TRAK2: variants seen among roughly 807,000 people sequenced by gnomAD.
TRAK2 encodes the protein trafficking kinesin-binding protein 2.
In TRAK2, 81 loss-of-function variants were observed where a neutral mutation model predicts 104.6. The ratio of observed to expected loss-of-function variants is 0.77; its 90% CI spans 0.65 to 0.93. The LOEUF (loss-of-function observed/expected upper bound fraction) is 0.93, where lower values mean the gene tolerates loss of function less well. TRAK2 is among the 40% of genes least tolerant of loss of function. The pLI is 0.00. For synonymous variants in TRAK2, 406 were observed against 394.4 expected, an observed-to-expected ratio of 1.03 and a Z score of -0.35; for missense variants, 1,002 against 1,089.0, an observed-to-expected ratio of 0.92 and a Z score of 1.12.
chr2:201,382,069 T>C (rs929166282), intron 15 of TRAK2, among the ~76,000 whole-genome samples: 3 of 152,204 alleles, frequency 2.0e-5, no homozygotes, highest in Non-Finnish European at 4.4e-5. Context: ...GGGTTATTAG[T>C]TGTCTGCCCT....
intron 10 of TRAK2, among the ~76,000 whole-genome samples, chr2:201,392,359 C>G (rs1210275385): frequency 6.6e-6 from 1 of 152,080 alleles, no homozygotes; most frequent in African/African-American, 2.4e-5. Flanking sequence ...CAGGATTGCA[C>G]AGAAGTTTAA....
intron 15 of TRAK2, among the ~76,000 whole-genome samples, chr2:201,383,685 C>T (rs1172863016): frequency 6.6e-6 from 1 of 152,216 alleles, no homozygotes; most frequent in Non-Finnish European, 1.5e-5. Context: ...TAACAACTTG[C>T]TGTGAGTTCT....
At chr2:201,413,544 GT>G (rs1951666807) in intron 2 of TRAK2, among the ~76,000 whole-genome samples, 1 of 152,056 alleles carries the variant, frequency 6.6e-6, no homozygotes, top group African/African-American at 2.4e-5. Flanking sequence ...TTACTATTGA[GT>G]TTTTACACCT....
chr2:201,420,690 C>T lies in TRAK2; in HGVS notation c.-183G>A, dbSNP rs969951645. ...CGAGCACTCTCATGTGATTATCATA[C>T]TTTGGACAGTCATGACCTAAAACAA... On this transcript the variant is annotated 5_prime_UTR_variant, in exon 2 of 16. Transcript: ENST00000332624. 7.9e-5 allele frequency: 44 copies of T among 559,452 alleles called. No homozygotes were observed. The highest frequency in any genetic ancestry group is 3.5e-5 in the Non-Finnish European group (11 of 311,350). 34.7% of individuals were successfully genotyped at this position (559,452 alleles called of 1,614,324 possible).
intron 1 of TRAK2, among the ~76,000 whole-genome samples, chr2:201,434,834 C>T (rs13401135): frequency 0.046 from 7,060 of 152,200 alleles, 282 homozygotes; most frequent in African/African-American, 0.11. Flanking sequence ...TAGTTTTATG[C>T]TTTGTCCCAT....
chr2:201,428,619 T>A (rs1951812018), intron 1 of TRAK2, among the ~76,000 whole-genome samples: 1 of 152,238 alleles, frequency 6.6e-6, no homozygotes, highest in African/African-American at 2.4e-5. Flanking sequence ...TCCAGCTTTA[T>A]TATTTTGGCT....
At position 201,398,261 on chromosome 2, in the gene TRAK2, A is replaced by G. The variant is rs1951520101; in HGVS notation, c.574T>C (p.Ser192Pro). 6.2e-7 allele frequency: 1 copy of G among 1,613,794 alleles called. No homozygotes were observed. The highest frequency in any genetic ancestry group is 8.5e-7 in the Non-Finnish European group (1 of 1,179,752). ...SEESETDSSC[S>P]TPLRFNESFS... ...GACTCATTGAACCGAAGAGGTGTAG[A>G]ACAGCTGGAATCAGTTTCACTTTCT... Residue 192 changes from serine (S) to proline (P), a missense_variant, in exon 6 of 16, where the codon TCT becomes CCT. Coordinates refer to ENST00000332624, the MANE Select transcript of TRAK2 (RefSeq NM_015049.3).
At chr2:201,395,731 C>T (rs939113472) in intron 7 of TRAK2, among the ~76,000 whole-genome samples, 6 of 151,986 alleles carry the variant, frequency 3.9e-5, no homozygotes, top group Non-Finnish European at 8.8e-5. Context: ...TTTATGAAAA[C>T]GATATTTGCT....
Position 201,438,150 on chromosome 2 carries a change from C to A in TRAK2, c.-200+13200G>T, listed in dbSNP as rs115651416. ...TGAGCAAAAGGAACTAGCTCTTTGA[C>A]ACTGAAAGCAAAAATCAAAACATTT... On this transcript the variant is annotated intron_variant, in intron 1 of 15. Coordinates refer to ENST00000332624, the MANE Select transcript of TRAK2 (RefSeq NM_015049.3). 9.3e-3 allele frequency among the ~76,000 whole-genome samples: 1,414 copies of A among 152,264 alleles called. 17 individuals are homozygous for A. The highest frequency in any genetic ancestry group is 0.033 in the African/African-American group (1,352 of 41,552).
intron 1 of TRAK2, among the ~76,000 whole-genome samples, chr2:201,428,619 T>C (rs1951812018): frequency 6.6e-6 from 1 of 152,238 alleles, no homozygotes. Flanking sequence ...TCCAGCTTTA[T>C]TATTTTGGCT....
At chr2:201,398,040 G>A (rs1459986723) in intron 6 of TRAK2, 105 bp downstream of exon 6, 10 of 1,067,320 alleles carry the variant, frequency 9.4e-6, no homozygotes, top group East Asian at 2.4e-5. Flanking sequence ...TAATTGGAAT[G>A]CCAATAGCAA....
At chr2:201,445,092 G>A (rs1259640778) in intron 1 of TRAK2, among the ~76,000 whole-genome samples, 2 of 152,122 alleles carry the variant, frequency 1.3e-5, no homozygotes, top group Non-Finnish European at 2.9e-5. Flanking sequence ...AAATGAATTC[G>A]TTCCACTGCT....
chr2:201,437,493 C>T (rs749520388), intron 1 of TRAK2, among the ~76,000 whole-genome samples: 6 of 152,194 alleles, frequency 3.9e-5, no homozygotes, highest in Admixed American at 2.6e-4. Context: ...AAATCCACCA[C>T]ATTCTAAACT....
At position 201,387,936 on chromosome 2, in the gene TRAK2, C is replaced by T. The variant is rs138317055; in HGVS notation, c.1463G>A (p.Arg488His). ...GDSDLATALH[R>H]LSLRRQNYLS... ...ATAGTTTTGTCGACGCAAGCTAAGGCGATGCAGTGCTGTAGCCAAATCACT... is the reference window on the plus strand; with the variant it reads ...ATAGTTTTGTCGACGCAAGCTAAGGTGATGCAGTGCTGTAGCCAAATCACT... Residue 488 changes from arginine to histidine, a missense_variant, in exon 13 of 16, where the codon CGC (arginine) becomes CAC (histidine). Coordinates refer to ENST00000332624, the MANE Select transcript of TRAK2 (RefSeq NM_015049.3). 9.9e-6 allele frequency: 16 copies of T among 1,613,934 alleles called. No individual in the cohort carries two copies. The highest frequency in any genetic ancestry group is 4.4e-5 in the South Asian group (4 of 91,084).
Position 201,377,314 on chromosome 2 carries a change from G to A in TRAK2, c.*3229C>T, listed in dbSNP as rs1951297296. Reference sequence around the variant, plus strand: ...GTCAAATCCCAGGTATCGAACAATAGTATTCCCCTGGCTGCCCTAGAGGGC... The same window carrying A: ...GTCAAATCCCAGGTATCGAACAATAATATTCCCCTGGCTGCCCTAGAGGGC... On this transcript the variant is annotated 3_prime_UTR_variant, in exon 16 of 16. Coordinates refer to ENST00000332624, the MANE Select transcript of TRAK2 (RefSeq NM_015049.3). The A allele has an allele frequency of 2.0e-5, 3 of 152,210 alleles. No individual in the cohort carries two copies. Among genetic ancestry groups the A allele is most frequent in the Admixed American group, 2.0e-4 (3 of 15,286 alleles). 9.4% of individuals were successfully genotyped at this position (152,210 alleles called of 1,614,324 possible).
chr2:201,399,669 C>T (rs1341300591), intron 4 of TRAK2, among the ~76,000 whole-genome samples, 176 bp from the exon 5 acceptor site: 3 of 152,024 alleles, frequency 2.0e-5, no homozygotes, highest in African/African-American at 4.8e-5. Flanking sequence ...TGCTTTAAAA[C>T]GTTGGTCAAA....
At chr2:201,431,705 G>A (rs1951843729) in intron 1 of TRAK2, among the ~76,000 whole-genome samples, 1 of 152,106 alleles carries the variant, frequency 6.6e-6, no homozygotes, top group Admixed American at 6.5e-5. Context: ...ATATTCACAG[G>A]ATCCAGGGAT....
At chr2:201,440,215 A>ATT (rs956674446) in intron 1 of TRAK2, among the ~76,000 whole-genome samples, 2 of 149,712 alleles carry the variant, frequency 1.3e-5, no homozygotes, top group African/African-American at 2.5e-5. Context: ...CCAAATTGCT[A>ATT]TTTTTTTTTT....
At chr2:201,384,368 G>T in intron 14 of TRAK2, 152 bp from the exon 15 acceptor site, 1 of 641,554 alleles carries the variant, frequency 1.6e-6, no homozygotes, top group South Asian at 2.0e-5. Context: ...TATACATAAA[G>T]ATTGTACTAG....
Sources: allele counts gnomAD v4.1 joint callset (sites outside exome capture counted in the v4.1 genomes callset), GRCh38; gene constraint gnomAD v4.1.1; transcripts MANE v1.5; gene names NCBI Gene and HGNC (gene_info 2026-07-23, HGNC 2026-07-21).